The following CCDC141 variants were observed in gnomAD, a reference collection of about 807,000 sequenced individuals.
CCDC141 encodes the protein coiled-coil domain containing 141, also known as coiled-coil domain-containing protein 141.
A neutral mutation model predicts 181.0 loss-of-function variants in CCDC141; 168 were observed. That is an observed-to-expected ratio of 0.93 (90% CI 0.82 to 1.05). The LOEUF is 1.05. CCDC141 is among the 50% of genes least tolerant of loss of function. The pLI is 0.00. For missense variants in CCDC141, 1,902 were observed against 1,788.5 expected (o/e 1.06, Z -1.14); for synonymous variants, 666 against 642.3 (o/e 1.04, Z -0.56).
intron 14 of CCDC141, among the ~76,000 whole-genome samples, chr2:178,869,643 G>A (rs1686019835): frequency 6.6e-6 from 1 of 152,198 alleles, no homozygotes; most frequent in South Asian, 2.1e-4. Flanking sequence ...GCAGCCCCAT[G>A]ATTATCTCTG....
In CCDC141 at chr2:178,834,428, G is replaced by C. The variant is rs948423322; in HGVS notation, c.4338C>G (p.Gly1446=). The C allele has an allele frequency of 1.6e-5, 24 of 1,535,964 alleles. No homozygotes were observed. In the African/African-American group the frequency reaches 2.7e-4, roughly 18 times the overall value. Residue 1446 remains glycine, a synonymous_variant, in exon 24 of 24, where the codon GGC becomes GGG. Transcript: ENST00000443758. ...PEPTLTWYKK[G]QKLSADGHLQ... ...AGTGCCCATCTGCAGACAATTTCTGGCCCTTCTTGTACCTGAAGCAGAGAG... is the reference window on the plus strand; with the variant it reads ...AGTGCCCATCTGCAGACAATTTCTGCCCCTTCTTGTACCTGAAGCAGAGAG...
intron 4 of CCDC141, among the ~76,000 whole-genome samples, chr2:178,969,612 A>G (rs1483086301): frequency 6.6e-6 from 1 of 152,238 alleles, no homozygotes; most frequent in Non-Finnish European, 1.5e-5. Flanking sequence ...CTAGGTATCA[A>G]TGGAATGTAT....
At chr2:178,986,567 C>T (rs1372981501) in intron 2 of CCDC141, among the ~76,000 whole-genome samples, 4 of 151,852 alleles carry the variant, frequency 2.6e-5, no homozygotes, top group African/African-American at 9.7e-5. Flanking sequence ...TCTAGAAAAC[C>T]CCATTGTCTC....
intron 2 of CCDC141, among the ~76,000 whole-genome samples, chr2:179,012,083 C>T (rs2042285516): frequency 6.6e-6 from 1 of 151,942 alleles, no homozygotes; most frequent in African/African-American, 2.4e-5. Flanking sequence ...AAGAACCAAA[C>T]CCAAACCCAG....
intron 4 of CCDC141, among the ~76,000 whole-genome samples, chr2:178,973,728 T>C (rs1032999661): frequency 1.3e-5 from 2 of 152,204 alleles, no homozygotes; most frequent in Non-Finnish European, 1.5e-5. Flanking sequence ...TGCCTCAGTA[T>C]TGAAACTCTT....
chr2:178,834,176 T>C lies in CCDC141; in HGVS notation c.4590A>G (p.Gln1530=), dbSNP rs1314275494. The change falls in exon 24 of 24, where the codon CAA becomes CAG. Residue 1530 remains glutamine (Q), a synonymous_variant. Coordinates refer to ENST00000443758, the MANE Select transcript of CCDC141 (RefSeq NM_173648.4). ...TCCATTGGTGCCAACACCACAGTTA[T>C]TGTGTGAGGAGCCAGTACATTAGGG... ...SVSLMYWLLT[Q] 7.2e-6 allele frequency: 11 copies of C among 1,535,196 alleles called. No individual in the cohort carries two copies. Among genetic ancestry groups the C allele is most frequent in the Non-Finnish European group, 8.7e-6 (10 of 1,146,092 alleles).
chr2:179,032,731 A>T (rs2007575), intron 2 of CCDC141, among the ~76,000 whole-genome samples: 151,296 of 152,142 alleles, frequency 0.99, 75,234 homozygotes, highest in Middle Eastern at 1. Flanking sequence ...GTGGAGGATG[A>T]TCATTTCATC....
chr2:179,000,535 A>G (rs2041938526), intron 2 of CCDC141, among the ~76,000 whole-genome samples: 1 of 152,164 alleles, frequency 6.6e-6, no homozygotes, highest in African/African-American at 2.4e-5. Context: ...TAGTATTATG[A>G]GTCCTTTGTT....
In CCDC141 at chr2:178,865,905, A is replaced by G. The variant is rs1313574234; in HGVS notation, c.2586T>C (p.Asn862=). Reference sequence around the variant, plus strand: ...GCTGCTGTAGGTTCTTTGCAGAAACATTAGAGCAGTGCTAAAAGAGACAAA... The same window carrying G: ...GCTGCTGTAGGTTCTTTGCAGAAACGTTAGAGCAGTGCTAAAAGAGACAAA... ...ISSVQRPHCS[N]VSAKNLQQQL... Residue 862 remains asparagine (N), a synonymous_variant, in exon 17 of 24, where the codon AAT becomes AAC. Transcript: ENST00000443758. 3.8e-6 allele frequency: 6 copies of G among 1,582,804 alleles called. No individual in the cohort carries two copies. Among genetic ancestry groups the G allele is most frequent in the Non-Finnish European group, 5.1e-6 (6 of 1,165,416 alleles).
chr2:178,970,860 A>G (rs776179481), intron 4 of CCDC141, among the ~76,000 whole-genome samples: 10 of 152,218 alleles, frequency 6.6e-5, no homozygotes, highest in Non-Finnish European at 1.3e-4. Context: ...AATGTTTGCA[A>G]TCTATCCATC....
At chr2:178,944,469 G>A (rs532922298) in intron 6 of CCDC141, 66 bp downstream of exon 6, 4 of 675,020 alleles carry the variant, frequency 5.9e-6, no homozygotes, top group Non-Finnish European at 9.3e-6. Context: ...ATTACCCACA[G>A]AAGTATATTC....
chr2:178,936,662 T>C (rs1360770669), intron 6 of CCDC141, among the ~76,000 whole-genome samples: 1 of 152,178 alleles, frequency 6.6e-6, no homozygotes, highest in Non-Finnish European at 1.5e-5. Context: ...AAGAATAGCA[T>C]TGAATCTGTA....
intron 4 of CCDC141, among the ~76,000 whole-genome samples, chr2:178,963,566 A>T (rs1037413388): frequency 4.6e-5 from 7 of 152,128 alleles, no homozygotes; most frequent in Non-Finnish European, 1.0e-4. Context: ...CACTATAGGG[A>T]TGCACTCAAC....
intron 7 of CCDC141, among the ~76,000 whole-genome samples, chr2:178,908,026 G>T (rs545844958): frequency 1.3e-5 from 2 of 151,694 alleles, no homozygotes; most frequent in East Asian, 1.9e-4. Flanking sequence ...AATAAACAAT[G>T]AAACAAAAAA....
intron 2 of CCDC141, among the ~76,000 whole-genome samples, chr2:179,003,317 T>C (rs2042035411): frequency 6.6e-6 from 1 of 152,206 alleles, no homozygotes. Context: ...TGTCAAAGCA[T>C]GGCATGCAGC....
intron 2 of CCDC141, among the ~76,000 whole-genome samples, chr2:179,013,609 A>C (rs2042335453): frequency 6.6e-6 from 1 of 152,150 alleles, no homozygotes; most frequent in African/African-American, 2.4e-5. Flanking sequence ...AATTAGAAAA[A>C]ACAATTCTAA....
chr2:178,913,793 C>T (rs1558976419), intron 7 of CCDC141, among the ~76,000 whole-genome samples: 1 of 152,178 alleles, frequency 6.6e-6, no homozygotes, highest in Non-Finnish European at 1.5e-5. Context: ...ACCCAAAAAT[C>T]AGACCATGTT....
chr2:179,015,103 T>TATATATATA (rs1349211734), intron 2 of CCDC141, among the ~76,000 whole-genome samples: 1 of 28,212 alleles, frequency 3.5e-5, no homozygotes, highest in African/African-American at 9.1e-5. Flanking sequence ...TATATATATA[T>TATATATATA]AATATATATA....
chr2:178,996,138 G>A (rs1692278311), intron 2 of CCDC141, among the ~76,000 whole-genome samples: 1 of 149,682 alleles, frequency 6.7e-6, no homozygotes. Flanking sequence ...CCATGCTGGA[G>A]TGCAGTGGCT....
Sources: gnomAD v4.1 joint callset for allele counts (sites outside exome capture counted in the v4.1 genomes callset) on GRCh38, gnomAD v4.1.1 for gene constraint, MANE v1.5 for transcripts, NCBI Gene and HGNC (gene_info 2026-07-23, HGNC 2026-07-21) for gene names.